Variants in SLC39A11 observed in about 807,000 individuals in gnomAD.
The protein encoded by SLC39A11 is solute carrier family 39 member 11, also known as zinc transporter ZIP11.
Under a neutral mutation model 36.1 loss-of-function variants are expected in SLC39A11, and 33 were observed. That is an observed-to-expected ratio of 0.91 (90% confidence interval 0.69 to 1.22). The LOEUF is 1.22. SLC39A11 is among the 50% of genes most tolerant of loss of function. SLC39A11 has a pLI of 0.00. For synonymous variants in SLC39A11, 166 were observed against 170.3 expected (o/e 0.97, Z 0.20); for missense variants, 432 against 430.3 (o/e 1.00, Z -0.03).
intron 6 of SLC39A11, among the ~76,000 whole-genome samples, chr17:72,770,359 T>A (rs1056672236): frequency 6.6e-6 from 1 of 152,196 alleles, no homozygotes; most frequent in Non-Finnish European, 1.5e-5. Flanking sequence ...AGTTTCAGTT[T>A]GGGAAGATAA....
At chr17:72,926,117 T>C (rs141491058) in intron 5 of SLC39A11, among the ~76,000 whole-genome samples, 4 of 152,380 alleles carry the variant, frequency 2.6e-5, no homozygotes, top group South Asian at 2.1e-4. Flanking sequence ...TAGAGCTCAA[T>C]TGGTTCCATA....
chr17:72,951,428 G>A (rs1242339566), intron 4 of SLC39A11, among the ~76,000 whole-genome samples: 1 of 152,054 alleles, frequency 6.6e-6, no homozygotes, highest in Non-Finnish European at 1.5e-5. Flanking sequence ...GTTTCTCTAG[G>A]AAGACTCCCT....
At chr17:72,910,994 T>C (rs1004047952) in intron 5 of SLC39A11, among the ~76,000 whole-genome samples, 1 of 151,928 alleles carries the variant, frequency 6.6e-6, no homozygotes, top group Non-Finnish European at 1.5e-5. Flanking sequence ...CACCACACTT[T>C]GCCCAGAACC....
intron 4 of SLC39A11, among the ~76,000 whole-genome samples, chr17:73,006,519 A>G (rs2090186824): frequency 6.6e-6 from 1 of 152,174 alleles, no homozygotes; most frequent in African/African-American, 2.4e-5. Flanking sequence ...GTGGCTACAA[A>G]GCCTAAAATA....
chr17:72,680,041 CAAAAAAAAAAAA>C (rs199650969), intron 7 of SLC39A11, among the ~76,000 whole-genome samples: 26 of 71,698 alleles, frequency 3.6e-4, no homozygotes, highest in East Asian at 2.1e-3. Context: ...GACTCTGTCT[CAAAAAAAAAAAA>C]AAAAAAAAAA....
intron 7 of SLC39A11, among the ~76,000 whole-genome samples, chr17:72,660,287 G>A (rs1002849637): frequency 1.3e-5 from 2 of 152,150 alleles, no homozygotes; most frequent in African/African-American, 2.4e-5. Context: ...GAGGTCCTCC[G>A]GCTAGAATAA....
chr17:72,741,687 G>A (rs1266081849), intron 6 of SLC39A11, among the ~76,000 whole-genome samples: 1 of 152,160 alleles, frequency 6.6e-6, no homozygotes, highest in Non-Finnish European at 1.5e-5. Flanking sequence ...GGTGGGAACT[G>A]TCACCTCCAG....
chr17:72,686,044 A>T (rs560444418), intron 7 of SLC39A11, among the ~76,000 whole-genome samples: 179 of 151,738 alleles, frequency 1.2e-3, no homozygotes, highest in African/African-American at 4.2e-3. Flanking sequence ...AAAAAAAAAA[A>T]ATCTATTGAC....
intron 6 of SLC39A11, chr17:72,837,982 A>C (rs2078640572): frequency 8.1e-7 from 1 of 1,231,178 alleles, no homozygotes. Flanking sequence ...GGGTGATGAG[A>C]GTATTCAGGA....
In SLC39A11 at chr17:73,035,863, C is replaced by CAAA. The variant is rs1174297357; in HGVS notation, c.148-4152_148-4150dup. On this transcript the variant is annotated intron_variant, in intron 3 of 9. Coordinates refer to ENST00000255559, the MANE Select transcript of SLC39A11 (RefSeq NM_139177.4). ...TGGGTGACAGAGCGACACTCCATCTCAAAAAAAAAAAAAAAAAAAAAAAAG... is the reference window on the plus strand; with the variant it reads ...TGGGTGACAGAGCGACACTCCATCTCAAAAAAAAAAAAAAAAAAAAAAAAAAAG... Among the ~76,000 whole-genome samples, 318 of 65,414 alleles carry CAAA rather than the reference C, an allele frequency of 4.9e-3. 7 individuals are homozygous for CAAA. Among genetic ancestry groups the CAAA allele is most frequent in the African/African-American group, 0.012 (180 of 15,152 alleles). 42.9% of individuals were successfully genotyped at this position (65,414 alleles called of 152,430 possible).
At chr17:72,932,300 T>TATTATTATTATTATTATTATTATG (rs2084450623) in intron 5 of SLC39A11, among the ~76,000 whole-genome samples, 1 of 151,514 alleles carries the variant, frequency 6.6e-6, no homozygotes, top group African/African-American at 2.4e-5. Flanking sequence ...CTTTTATTAT[T>TATTATTATTATTATTATTATTATG]ATTATTATTA....
chr17:72,694,309 G>C (rs907856088), intron 7 of SLC39A11, among the ~76,000 whole-genome samples: 5 of 152,228 alleles, frequency 3.3e-5, no homozygotes, highest in African/African-American at 9.6e-5. Context: ...TTCATTCTGA[G>C]CTCATGTGAT....
chr17:73,085,716 C>T (rs1464125763), intron 2 of SLC39A11, among the ~76,000 whole-genome samples: 1 of 150,692 alleles, frequency 6.6e-6, no homozygotes, highest in African/African-American at 2.4e-5. Context: ...AACTATTTGG[C>T]AGCACCGATG....
At chr17:72,675,173 A>T (rs1177417915) in intron 7 of SLC39A11, among the ~76,000 whole-genome samples, 1 of 152,160 alleles carries the variant, frequency 6.6e-6, no homozygotes, top group East Asian at 1.9e-4. Flanking sequence ...GTGAAACCTA[A>T]TCACGATTGT....
intron 6 of SLC39A11, among the ~76,000 whole-genome samples, chr17:72,820,040 C>T (rs2077711513): frequency 6.6e-6 from 1 of 151,206 alleles, no homozygotes; most frequent in South Asian, 2.1e-4. Flanking sequence ...GGCACAAAGG[C>T]TTCCTTCCGA....
At chr17:72,711,626 C>T (rs2073106799) in intron 7 of SLC39A11, among the ~76,000 whole-genome samples, 1 of 152,152 alleles carries the variant, frequency 6.6e-6, no homozygotes, top group Admixed American at 6.5e-5. Context: ...AAGTGAAGTA[C>T]TGCAAGTAAC....
intron 5 of SLC39A11, among the ~76,000 whole-genome samples, chr17:72,900,758 C>T (rs893921844): frequency 6.6e-6 from 1 of 152,156 alleles, no homozygotes; most frequent in African/African-American, 2.4e-5. Context: ...AATGCAACAA[C>T]AACAAACAAC....
At position 72,700,337 on chromosome 17, in the gene SLC39A11, C is replaced by A. The variant is rs147373065; in HGVS notation, c.671+36313G>T. ...AATCATAAAGTCATTTCTATCTAAT[C>A]TTTGGGCAGTAAGTACAGCTGCTTC... On this transcript the variant is annotated intron_variant, in intron 7 of 9. Transcript: ENST00000255559. 2.7e-3 allele frequency among the ~76,000 whole-genome samples: 409 copies of A among 152,354 alleles called. 2 individuals carry two copies. Among genetic ancestry groups the A allele is most frequent in the Middle Eastern group, 3.4e-3 (1 of 294 alleles).
At chr17:72,836,050 T>C (rs1179888050) in intron 6 of SLC39A11, among the ~76,000 whole-genome samples, 1 of 152,168 alleles carries the variant, frequency 6.6e-6, no homozygotes, top group Non-Finnish European at 1.5e-5. Flanking sequence ...CCCACAGTGG[T>C]GGGCCCTGTG....
Sources: allele counts gnomAD v4.1 joint callset (sites outside exome capture counted in the v4.1 genomes callset), GRCh38; gene constraint gnomAD v4.1.1; transcripts MANE v1.5; gene names NCBI Gene and HGNC (gene_info 2026-07-23, HGNC 2026-07-21).